The following KCNIP4 variants were observed in gnomAD, a reference collection of about 807,000 sequenced individuals.
KCNIP4 encodes the protein Kv channel-interacting protein 4.
Under a neutral mutation model 34.0 loss-of-function variants are expected in KCNIP4, and 12 were observed. The observed-to-expected ratio is 0.35, with a 90% CI of 0.23 to 0.57. KCNIP4 has a LOEUF of 0.57. Ranked by LOEUF, KCNIP4 falls within the 20% of genes least tolerant of loss-of-function variation. KCNIP4 has a pLI of 0.83. For synonymous variants in KCNIP4, 124 were observed against 102.2 expected (o/e 1.21, Z -1.29); for missense variants, 238 against 311.7 (o/e 0.76, Z 1.78).
intron 1 of KCNIP4, among the ~76,000 whole-genome samples, chr4:21,365,415 G>T (rs1343342483): frequency 6.6e-6 from 1 of 150,452 alleles, no homozygotes; most frequent in Non-Finnish European, 1.5e-5. Context: ...AACCTGAAGG[G>T]TGCAGTGAGC....
chr4:21,025,334 G>A (rs986426967), intron 1 of KCNIP4, among the ~76,000 whole-genome samples: 3 of 151,972 alleles, frequency 2.0e-5, no homozygotes, highest in South Asian at 2.1e-4. Context: ...TAAGAAACCT[G>A]TGTAAGGATG....
intron 1 of KCNIP4, among the ~76,000 whole-genome samples, chr4:21,325,022 TG>T (rs1408921453): frequency 6.6e-6 from 1 of 151,908 alleles, no homozygotes; most frequent in African/African-American, 2.4e-5. Context: ...CTATTATAAA[TG>T]GGATTATTTT....
chr4:21,911,281 G>A (rs902593463), intron 1 of KCNIP4, among the ~76,000 whole-genome samples: 5 of 152,048 alleles, frequency 3.3e-5, no homozygotes, highest in African/African-American at 9.7e-5. Flanking sequence ...TTGTCAATTA[G>A]ACAAGATACA....
intron 8 of KCNIP4, chr4:20,731,683 G>A: frequency 1.0e-6 from 1 of 985,308 alleles, no homozygotes; most frequent in Non-Finnish European, 1.2e-6. Context: ...GTGATGCTAA[G>A]TTTTGGCAAA....
At chr4:20,811,948 A>G (rs1166532467) in intron 3 of KCNIP4, among the ~76,000 whole-genome samples, 1 of 152,186 alleles carries the variant, frequency 6.6e-6, no homozygotes, top group Non-Finnish European at 1.5e-5. Flanking sequence ...GGAAGAGCAG[A>G]TTCCCAGAAA....
chr4:21,466,804 G>T (rs1446219160), intron 1 of KCNIP4, among the ~76,000 whole-genome samples: 1 of 151,902 alleles, frequency 6.6e-6, no homozygotes, highest in Non-Finnish European at 1.5e-5. Flanking sequence ...AGCAAGCATG[G>T]CCTCATCCCC....
intron 1 of KCNIP4, among the ~76,000 whole-genome samples, chr4:21,000,762 T>A (rs774857863): frequency 4.6e-5 from 7 of 152,184 alleles, no homozygotes; most frequent in Non-Finnish European, 8.8e-5. Flanking sequence ...TGATTTTTTG[T>A]CTCACTACAC....
intron 1 of KCNIP4, among the ~76,000 whole-genome samples, chr4:21,660,275 C>T (rs1451765887): frequency 6.6e-6 from 1 of 152,140 alleles, no homozygotes; most frequent in Non-Finnish European, 1.5e-5. Context: ...CATCATTCTT[C>T]ATATCTCCTA....
At chr4:21,205,000 T>C (rs1366223768) in intron 1 of KCNIP4, among the ~76,000 whole-genome samples, 1 of 152,196 alleles carries the variant, frequency 6.6e-6, no homozygotes, top group Non-Finnish European at 1.5e-5. Context: ...AAAGTTCCAC[T>C]GGGAGGTAAG....
intron 1 of KCNIP4, among the ~76,000 whole-genome samples, chr4:21,889,571 G>T (rs1207875011): frequency 6.6e-6 from 1 of 152,060 alleles, no homozygotes; most frequent in African/African-American, 2.4e-5. Context: ...GAGGCCAGAG[G>T]TTTCTCTTGG....
intron 1 of KCNIP4, among the ~76,000 whole-genome samples, chr4:21,785,090 T>C (rs1719812342): frequency 6.6e-6 from 1 of 152,152 alleles, no homozygotes; most frequent in African/African-American, 2.4e-5. Context: ...TTTGGTCCAT[T>C]AAGAATAGCG....
chr4:21,714,890 T>C (rs1477466015), intron 1 of KCNIP4, among the ~76,000 whole-genome samples: 1 of 226 alleles, frequency 4.4e-3, no homozygotes, highest in African/African-American at 0.1. Flanking sequence ...TTTTATTTTA[T>C]TTTATTTTAT....
intron 1 of KCNIP4, among the ~76,000 whole-genome samples, chr4:21,286,391 C>A (rs1763125036): frequency 6.6e-6 from 1 of 152,144 alleles, no homozygotes. Flanking sequence ...GCACCTCTAA[C>A]TGGTCACATA....
At chr4:20,735,608 C>T (rs1749438801) in intron 5 of KCNIP4, among the ~76,000 whole-genome samples, 1 of 148,608 alleles carries the variant, frequency 6.7e-6, no homozygotes, top group Non-Finnish European at 1.5e-5. Context: ...TGGCTCACTG[C>T]AACTTCCACC....
intron 1 of KCNIP4, among the ~76,000 whole-genome samples, chr4:21,429,037 T>C (rs1726185347): frequency 6.6e-6 from 1 of 152,196 alleles, no homozygotes. Flanking sequence ...CTCTACATTC[T>C]ATAGGTTTTG....
chr4:21,470,823 CA>C (rs61211007), intron 1 of KCNIP4, among the ~76,000 whole-genome samples: 36,284 of 148,096 alleles, frequency 0.25, 4,772 homozygotes, highest in Non-Finnish European at 0.32. Context: ...GATAATTTAA[CA>C]AAAAAAAAAA....
At chr4:21,524,751 G>A (rs1735831446) in intron 1 of KCNIP4, among the ~76,000 whole-genome samples, 1 of 151,914 alleles carries the variant, frequency 6.6e-6, no homozygotes, top group Non-Finnish European at 1.5e-5. Context: ...CAGATTGTAA[G>A]GGCCATGAAA....
At chr4:21,111,858 C>T (rs1400371385) in intron 1 of KCNIP4, among the ~76,000 whole-genome samples, 1 of 152,162 alleles carries the variant, frequency 6.6e-6, no homozygotes, top group East Asian at 1.9e-4. Context: ...ATAGTCCTGC[C>T]AGGTCCTGGC....
chr4:21,495,274 G>A (rs1732763031), intron 1 of KCNIP4, among the ~76,000 whole-genome samples: 1 of 152,102 alleles, frequency 6.6e-6, no homozygotes. Flanking sequence ...ATTCTTGCTT[G>A]TTTGACAAAA....
Sources: gnomAD v4.1 joint callset for allele counts (sites outside exome capture counted in the v4.1 genomes callset) on GRCh38, gnomAD v4.1.1 for gene constraint, MANE v1.5 for transcripts, NCBI Gene and HGNC (gene_info 2026-07-23, HGNC 2026-07-21) for gene names.